BROX: variants seen among roughly 807,000 people sequenced by gnomAD.
BROX encodes the protein BRO1 domain-containing protein BROX.
BROX carries 53 observed loss-of-function variants against 61.0 expected under a neutral mutation model. That is an observed-to-expected ratio of 0.87 (90% CI 0.70 to 1.09). The LOEUF (loss-of-function observed/expected upper bound fraction) is 1.09, where lower values mean the gene tolerates loss of function less well. BROX is among the 50% of genes least tolerant of loss of function. The pLI is 0.00. For missense variants in BROX, 489 were observed against 472.0 expected (o/e 1.04, Z -0.33); for synonymous variants, 152 against 160.2 (o/e 0.95, Z 0.38).
chr1:222,714,399 C>G (rs1232108174), intron 1 of BROX, among the ~76,000 whole-genome samples: 1 of 151,060 alleles, frequency 6.6e-6, no homozygotes, highest in Non-Finnish European at 1.5e-5. Flanking sequence ...GTAGAGTCAC[C>G]GTGTTAGCCA....
Position 222,725,525 on chromosome 1 carries a change from G to A in BROX, c.550G>A (p.Val184Ile), listed in dbSNP as rs563790046. 13 of 1,611,572 alleles carry A rather than the reference G, an allele frequency of 8.1e-6. No homozygotes were observed. The highest frequency in any genetic ancestry group is 3.3e-5 in the South Asian group (3 of 90,708). Residue 184 changes from valine (V) to isoleucine (I), a missense_variant, in exon 7 of 13, where the codon GTT (valine) becomes ATT (isoleucine). Physicochemically the swap from Val to Ile is conservative, Grantham distance 29. Coordinates refer to ENST00000340934, the MANE Select transcript of BROX (RefSeq NM_144695.4). ...DLESRLIEAY[V>I]IQCQAEAQEV... ...AGAGTCACGACTCATAGAAGCATAC[G>A]TTATTCAATGTCAGGCTGAAGCTCA...
At chr1:222,715,605 T>G (rs1227715712) in intron 1 of BROX, 79 bp from the exon 2 acceptor site, 1 of 586,668 alleles carries the variant, frequency 1.7e-6, no homozygotes, top group Non-Finnish European at 2.6e-6. Context: ...ACTATTGAAA[T>G]AAATTGTTAT....
chr1:222,713,087 C>T lies in BROX; in HGVS notation c.-17+145C>T, dbSNP rs1324815405. ...AAAGTCTCCTTCTAGTGCCTTGAAA[C>T]AAACGACAGAAAGAAAATCCATATT... is the stretch of plus-strand genomic sequence containing the variant. On this transcript the variant is annotated intron_variant, in intron 1 of 12. Coordinates refer to ENST00000340934, the MANE Select transcript of BROX (RefSeq NM_144695.4). 4 of 1,023,552 alleles carry T rather than the reference C, an allele frequency of 3.9e-6. No individual in the cohort carries two copies. The East Asian group carries it at 3.0e-4, about 77-fold the overall frequency. 63.4% of individuals were successfully genotyped at this position (1,023,552 alleles called of 1,614,324 possible). A position where few individuals can be genotyped will look rare whatever the true frequency, so the allele number is the denominator to read the frequency against.
At position 222,713,287 on chromosome 1, in the gene BROX, AAG is replaced by A. The variant is rs1317996482; in HGVS notation, c.-17+348_-17+349del. 5.1e-6 allele frequency: 5 copies of A among 985,922 alleles called. No individual in the cohort carries two copies. The African/African-American group carries it at 8.7e-5, about 17-fold the overall frequency. The allele number at this position is 985,922 out of a possible 1,614,324, so 61.1% of individuals were successfully genotyped here. A position where few individuals can be genotyped will look rare whatever the true frequency, so the allele number is the denominator to read the frequency against. On this transcript the variant is annotated intron_variant, in intron 1 of 12. Coordinates refer to ENST00000340934, the MANE Select transcript of BROX (RefSeq NM_144695.4). Reference sequence around the variant, plus strand: ...CTTTCCACAAAAATGCCTGTTTGGAAAGAGGGGAACTCAAGTGTTGGCGCGTG... The same window carrying A: ...CTTTCCACAAAAATGCCTGTTTGGAAAGGGGAACTCAAGTGTTGGCGCGTG...
At chr1:222,722,966 A>G (rs1409494025) in intron 5 of BROX, among the ~76,000 whole-genome samples, 2 of 152,250 alleles carry the variant, frequency 1.3e-5, no homozygotes, top group Non-Finnish European at 2.9e-5. Context: ...GAAGGCTAGC[A>G]GTATGTGAAA....
rs1433058904 is a variant in BROX, at chr1:222,718,996, A to T, written c.173A>T (p.Lys58Met). The change falls in exon 3 of 13, where the codon AAG becomes ATG. Residue 58 changes from lysine to methionine, a missense_variant. Lys to Met is a moderately conservative substitution (Grantham distance 95). Coordinates refer to ENST00000340934, the MANE Select transcript of BROX (RefSeq NM_144695.4). ...TDLSCNPEMM[K>M]NAADSYFSLL... is the part of the protein sequence containing the mutation. ...TTGAGCTGTAATCCAGAAATGATGA[A>T]GAATGCAGCAGATTCATATTTCTCA... The T allele has an allele frequency of 1.2e-6, 2 of 1,613,700 alleles. No homozygotes were observed. The highest frequency in any genetic ancestry group is 2.2e-5 in the South Asian group (2 of 91,036).
chr1:222,723,263 T>A (rs1054260534), intron 5 of BROX, among the ~76,000 whole-genome samples: 4 of 152,236 alleles, frequency 2.6e-5, no homozygotes, highest in African/African-American at 9.6e-5. Flanking sequence ...CTTGTTTATA[T>A]ACAAATGTCT....
chr1:222,723,142 C>T (rs958486455), intron 5 of BROX, among the ~76,000 whole-genome samples: 1 of 152,172 alleles, frequency 6.6e-6, no homozygotes, highest in Non-Finnish European at 1.5e-5. Context: ...GTAAAATTAT[C>T]TCTAAAGTAA....
Position 222,732,851 on chromosome 1 carries a change from C to T in BROX, c.*137C>T. 1.5e-6 allele frequency: 1 copy of T among 669,184 alleles called. No individual in the cohort carries two copies. The highest frequency in any genetic ancestry group is 2.5e-6 in the Non-Finnish European group (1 of 403,724). The allele number at this position is 669,184 out of a possible 1,614,324, so 41.5% of individuals were successfully genotyped here. On this transcript the variant is annotated 3_prime_UTR_variant, in exon 13 of 13. Transcript: ENST00000340934. ...CAGAGGGTTATCTGCCTTCAGCTTA[C>T]TTGTTCTTAATTTTTAATACAGCGG...
chr1:222,725,415 G>C, intron 6 of BROX, 35 bp from the exon 7 acceptor site: 5 of 1,453,618 alleles, frequency 3.4e-6, no homozygotes, highest in Non-Finnish European at 4.7e-6. Flanking sequence ...AAATTTGGCT[G>C]CTTTGTTTTT....
intron 10 of BROX, 79 bp from the exon 11 acceptor site, chr1:222,729,948 C>T (rs909610061): frequency 7.4e-7 from 1 of 1,356,438 alleles, no homozygotes. Context: ...TGTCTTATCA[C>T]CTCCAGTTTA....
chr1:222,719,371 T>A lies in BROX; in HGVS notation c.305+12T>A. The A allele has an allele frequency of 6.4e-7, 1 of 1,564,554 alleles. No homozygotes were observed. The highest frequency in any genetic ancestry group is 8.8e-7 in the Non-Finnish European group (1 of 1,136,346). ...GGACAGGTTCCAAGGTAAGCAACACTAAAGTAATACTAAATTGGAGCCAGT... is the reference window on the plus strand; with the variant it reads ...GGACAGGTTCCAAGGTAAGCAACACAAAAGTAATACTAAATTGGAGCCAGT... On this transcript the variant is annotated intron_variant, in intron 4 of 12. Transcript: ENST00000340934.
intron 2 of BROX, 53 bp downstream of exon 2, chr1:222,715,853 A>G: frequency 2.9e-6 from 3 of 1,043,874 alleles, no homozygotes; most frequent in Non-Finnish European, 4.3e-6. Flanking sequence ...TTTTGGTTCC[A>G]TGGCAATACA....
rs762904375 is a variant in BROX, at chr1:222,718,971, T to G, written c.148T>G (p.Leu50Val). The part of the protein sequence containing the change: ...RARLLELFTD[L>V]SCNPEMMKNA... Reference sequence around the variant, plus strand: ...ACGACTCCTTGAACTGTTCACTGATTTGAGCTGTAATCCAGAAATGATGAA... The same window carrying G: ...ACGACTCCTTGAACTGTTCACTGATGTGAGCTGTAATCCAGAAATGATGAA... Residue 50 changes from leucine to valine, a missense_variant, in exon 3 of 13, where the codon TTG (leucine) becomes GTG (valine). Leu to Val is a conservative substitution (Grantham distance 32). Transcript: ENST00000340934. 21 of 1,613,840 alleles carry G rather than the reference T, an allele frequency of 1.3e-5. No homozygotes were observed. The highest frequency in any genetic ancestry group is 1.2e-4 in the Admixed American group (7 of 59,964).
At chr1:222,713,583 C>T (rs903152516) in intron 1 of BROX, 2 of 356,580 alleles carry the variant, frequency 5.6e-6, no homozygotes, top group Non-Finnish European at 7.8e-6. Context: ...TCTATCCCAC[C>T]CTAGGAACTC....
intron 1 of BROX, chr1:222,713,213 G>T (rs1429312432): frequency 2.0e-6 from 2 of 985,524 alleles, no homozygotes; most frequent in Non-Finnish European, 1.2e-6. Flanking sequence ...GCTAAACTGG[G>T]GTTCGTTCGG....
intron 6 of BROX, among the ~76,000 whole-genome samples, chr1:222,724,858 G>A (rs543380327): frequency 2.0e-5 from 3 of 152,128 alleles, no homozygotes; most frequent in African/African-American, 7.2e-5. Context: ...GCAGTGATGC[G>A]ATCTTGGCTC....
intron 1 of BROX, 120 bp downstream of exon 1, chr1:222,713,062 A>G: frequency 9.6e-7 from 1 of 1,046,086 alleles, no homozygotes; most frequent in Non-Finnish European, 1.2e-6. Flanking sequence ...CAGTGGACCA[A>G]AAGTCTCCTT....
At position 222,712,945 on chromosome 1, in the gene BROX, A is replaced by G. The variant is rs1656169482; in HGVS notation, c.-17+3A>G. On this transcript the variant is annotated splice_donor_region_variant and intron_variant, in intron 1 of 12. Coordinates refer to ENST00000340934, the MANE Select transcript of BROX (RefSeq NM_144695.4). ...CTGAACCGACTCTGAGAAATTTGGT[A>G]AGTATGTCAGAGGATGGGTGTTTCT... 1.7e-6 allele frequency: 2 copies of G among 1,189,500 alleles called. No homozygotes were observed. The highest frequency in any genetic ancestry group is 2.1e-6 in the Non-Finnish European group (2 of 938,102). 73.7% of individuals were successfully genotyped at this position (1,189,500 alleles called of 1,614,324 possible).
Sources: gnomAD v4.1 joint callset for allele counts (sites outside exome capture counted in the v4.1 genomes callset) on GRCh38, gnomAD v4.1.1 for gene constraint, MANE v1.5 for transcripts, NCBI Gene and HGNC (gene_info 2026-07-23, HGNC 2026-07-21) for gene names.